ZNF704: variants seen among roughly 807,000 people sequenced by gnomAD.
ZNF704 encodes glucocorticoid induced gene 1.
In ZNF704, 10 loss-of-function variants were observed where a neutral mutation model predicts 44.7. The ratio of observed to expected loss-of-function variants is 0.22; its 90% CI spans 0.14 to 0.38. The LOEUF (loss-of-function observed/expected upper bound fraction) is 0.38. Ranked by LOEUF, ZNF704 falls within the 10% of genes least tolerant of loss-of-function variation. The pLI is 1.00. For missense variants in ZNF704, 390 were observed against 545.5 expected, an observed-to-expected ratio of 0.71 and a Z score of 2.84; for synonymous variants, 211 against 207.6, an observed-to-expected ratio of 1.02 and a Z score of -0.14.
chr8:80,776,795 C>A (rs1433345216), intron 2 of ZNF704: 2 of 152,240 alleles, frequency 1.3e-5, no homozygotes, highest in Admixed American at 1.3e-4. Flanking sequence ...CCTCCTTATG[C>A]AACCTGGTGG....
intron 3 of ZNF704, among the ~76,000 whole-genome samples, chr8:80,692,283 C>T (rs1358408586): frequency 6.6e-6 from 1 of 152,144 alleles, no homozygotes; most frequent in East Asian, 1.9e-4. Flanking sequence ...TTCAGTTCTG[C>T]CAGTTAATCT....
rs1454947836 is a variant in ZNF704, at chr8:80,634,325, T to C, written c.*7041A>G. ...AACTCAGCGTATCTATATTCAAGTC[T>C]GCCATGAGAATGATATCTGGGGAGA... On this transcript the variant is annotated 3_prime_UTR_variant, in exon 9 of 9. Transcript: ENST00000327835. 1 of 152,244 alleles carries C rather than the reference T, an allele frequency of 6.6e-6. No homozygotes were observed. The highest frequency in any genetic ancestry group is 1.5e-5 in the Non-Finnish European group (1 of 68,046). The allele number at this position is 152,244 out of a possible 1,614,324, so 9.4% of individuals were successfully genotyped here.
At chr8:80,733,227 T>A (rs1404463530) in intron 2 of ZNF704, among the ~76,000 whole-genome samples, 3 of 152,148 alleles carry the variant, frequency 2.0e-5, no homozygotes, top group Non-Finnish European at 4.4e-5. Context: ...ATTAAACATT[T>A]TTAAAAGTGT....
intron 2 of ZNF704, among the ~76,000 whole-genome samples, chr8:80,786,310 T>G (rs1251325967): frequency 6.6e-6 from 1 of 152,068 alleles, no homozygotes; most frequent in East Asian, 1.9e-4. Flanking sequence ...TTCATGTGAG[T>G]TGCTTAAGTG....
At chr8:80,821,687 G>C in intron 1 of ZNF704, 72 bp from the exon 2 acceptor site, 1 of 1,137,582 alleles carries the variant, frequency 8.8e-7, no homozygotes, top group Non-Finnish European at 1.3e-6. Context: ...AGATGGCGGT[G>C]AGGAGAGATT....
intron 2 of ZNF704, among the ~76,000 whole-genome samples, chr8:80,708,512 C>T (rs1692463656): frequency 6.6e-6 from 1 of 152,230 alleles, no homozygotes; most frequent in South Asian, 2.1e-4. Context: ...TTTAACATTT[C>T]TTCTGAAAAC....
intron 1 of ZNF704, among the ~76,000 whole-genome samples, chr8:80,844,147 CAAGAG>C (rs1301833296): frequency 3.9e-5 from 6 of 152,062 alleles, no homozygotes; most frequent in Non-Finnish European, 8.8e-5. Flanking sequence ...TATGGGCACA[CAAGAG>C]AGGAGAAAAA....
At position 80,679,640 on chromosome 8, in the gene ZNF704, C is replaced by T. The variant is rs539560303; in HGVS notation, c.558+7586G>A. Among the ~76,000 whole-genome samples, 3 of 152,280 alleles carry T rather than the reference C, an allele frequency of 2.0e-5. No homozygotes were observed. The South Asian group carries it at 6.2e-4, about 32-fold the overall frequency. On this transcript the variant is annotated intron_variant, in intron 4 of 8. Transcript: ENST00000327835. Reference sequence around the variant, plus strand: ...TGCAGAACACCAACGTCAGCAAAGACCTCAAGTCTAACAGAATGGTCTTCT... The same window carrying T: ...TGCAGAACACCAACGTCAGCAAAGATCTCAAGTCTAACAGAATGGTCTTCT...
chr8:80,861,134 T>C (rs1005256276), intron 1 of ZNF704, among the ~76,000 whole-genome samples: 2 of 152,218 alleles, frequency 1.3e-5, no homozygotes, highest in Admixed American at 6.5e-5. Flanking sequence ...TGTTCACTGC[T>C]AGAAACCAAA....
At chr8:80,856,175 T>C (rs1808958010) in intron 1 of ZNF704, among the ~76,000 whole-genome samples, 1 of 152,114 alleles carries the variant, frequency 6.6e-6, no homozygotes, top group South Asian at 2.1e-4. Context: ...CCGGGGCTGG[T>C]CTTGGACTCC....
intron 2 of ZNF704, among the ~76,000 whole-genome samples, chr8:80,763,720 C>T (rs749586476): frequency 1.3e-5 from 2 of 152,214 alleles, no homozygotes; most frequent in Non-Finnish European, 2.9e-5. Flanking sequence ...GCTTGAATTT[C>T]TCCCCAGAAA....
At position 80,635,314 on chromosome 8, in the gene ZNF704, G is replaced by T. The variant is rs1350906668; in HGVS notation, c.*6052C>A. 1.3e-5 allele frequency: 2 copies of T among 152,232 alleles called. No individual in the cohort carries two copies. The highest frequency in any genetic ancestry group is 2.9e-5 in the Non-Finnish European group (2 of 68,042). 9.4% of individuals were successfully genotyped at this position (152,232 alleles called of 1,614,324 possible). On this transcript the variant is annotated 3_prime_UTR_variant, in exon 9 of 9. Coordinates refer to ENST00000327835, the MANE Select transcript of ZNF704 (RefSeq NM_001033723.3). ...CTGTTTCCTGGTTCTTGGGAACTCA[G>T]TCACTTTCTGATCACAACCTCATGT...
At position 80,874,486 on chromosome 8, in the gene ZNF704, G is replaced by T. The variant is rs1415849736; in HGVS notation, c.-22+85C>A. 1 of 151,130 alleles carries T rather than the reference G, an allele frequency of 6.6e-6. No homozygotes were observed. The highest frequency in any genetic ancestry group is 1.5e-5 in the Non-Finnish European group (1 of 67,726). The allele number at this position is 151,130 out of a possible 1,614,324, so 9.4% of individuals were successfully genotyped here. A position where few individuals can be genotyped will look rare whatever the true frequency, so the allele number is the denominator to read the frequency against. On this transcript the variant is annotated intron_variant, in intron 1 of 8. Transcript: ENST00000327835. The surrounding 1 kb of genome is among the most constrained non-coding windows in gnomAD (Gnocchi z 4.4). The stretch of plus-strand genomic sequence containing the variant: ...TTTGTGTTGTATGTTTTCCACCACC[G>T]CCCCCCTCTTCGCGAGCCATTCCTC...
chr8:80,859,218 T>C (rs1226295289), intron 1 of ZNF704, among the ~76,000 whole-genome samples: 3 of 152,188 alleles, frequency 2.0e-5, no homozygotes, highest in East Asian at 3.8e-4. Flanking sequence ...TCTCTGATCA[T>C]AGGTTTTAGG....
chr8:80,730,658 GA>G (rs1416263727), intron 2 of ZNF704, among the ~76,000 whole-genome samples: 1 of 149,082 alleles, frequency 6.7e-6, no homozygotes, highest in Non-Finnish European at 1.5e-5. Flanking sequence ...AAATAGATTA[GA>G]TTTTTTTTCT....
At chr8:80,857,786 T>A (rs1209351280) in intron 1 of ZNF704, among the ~76,000 whole-genome samples, 1 of 152,200 alleles carries the variant, frequency 6.6e-6, no homozygotes, top group Admixed American at 6.5e-5. Flanking sequence ...TTTGTAAGAT[T>A]GGTATTATAT....
intron 2 of ZNF704, among the ~76,000 whole-genome samples, chr8:80,713,448 C>G (rs922524613): frequency 6.6e-6 from 1 of 152,188 alleles, no homozygotes; most frequent in African/African-American, 2.4e-5. Context: ...TTCAGCTGGT[C>G]ATTCCACTAA....
chr8:80,795,133 T>G (rs554116200), intron 2 of ZNF704, among the ~76,000 whole-genome samples: 2 of 152,242 alleles, frequency 1.3e-5, no homozygotes, highest in East Asian at 3.9e-4. Context: ...AGAGCTTAGA[T>G]GAATAACAAC....
At chr8:80,773,735 G>A (rs1807363727) in intron 2 of ZNF704, among the ~76,000 whole-genome samples, 1 of 152,144 alleles carries the variant, frequency 6.6e-6, no homozygotes, top group Non-Finnish European at 1.5e-5. Context: ...TTCAGCACAT[G>A]AAAAATATTT....
Sources: gnomAD v4.1 joint callset for allele counts (sites outside exome capture counted in the v4.1 genomes callset) on GRCh38, gnomAD v4.1.1 for gene constraint, Gnocchi (gnomAD v3.1) non-coding constraint, MANE v1.5 for transcripts, NCBI Gene and HGNC (gene_info 2026-07-23, HGNC 2026-07-21) for gene names.